The following MACROD2 variants were observed in gnomAD, a reference collection of about 807,000 sequenced individuals.
The protein encoded by MACROD2 is mono-ADP ribosylhydrolase 2, also known as ADP-ribose glycohydrolase MACROD2.
Under a neutral mutation model 70.4 loss-of-function variants are expected in MACROD2, and 36 were observed. The ratio of observed to expected loss-of-function variants is 0.51; its 90% confidence interval spans 0.39 to 0.68. The LOEUF (loss-of-function observed/expected upper bound fraction) is 0.68. MACROD2 is among the 30% of genes least tolerant of loss of function. The pLI, the probability that MACROD2 is intolerant of heterozygous loss-of-function variation, is 0.00. For synonymous variants in MACROD2, 172 were observed against 178.8 expected (o/e 0.96, Z 0.30); for missense variants, 496 against 538.4 (o/e 0.92, Z 0.78).
Position 14,031,506 on chromosome 20 carries a change from A to G in MACROD2, c.163+29102A>G, listed in dbSNP as rs181722561. Among the ~76,000 whole-genome samples the G allele has an allele frequency of 6.6e-5, 10 of 152,312 alleles. No homozygotes were observed. The East Asian group carries it at 1.9e-3, about 29-fold the overall frequency. On this transcript the variant is annotated intron_variant, in intron 2 of 17. Coordinates refer to ENST00000684519, the MANE Select transcript of MACROD2 (RefSeq NM_001351661.2). Reference sequence around the variant, plus strand: ...CCCTTAAATGTTGGTTGTATTAATTACAAATACTTTAAAAAGATATATTAA... The same window carrying G: ...CCCTTAAATGTTGGTTGTATTAATTGCAAATACTTTAAAAAGATATATTAA...
At chr20:15,703,636 G>C (rs777786740) in intron 8 of MACROD2, among the ~76,000 whole-genome samples, 4 of 152,098 alleles carry the variant, frequency 2.6e-5, no homozygotes, top group Non-Finnish European at 5.9e-5. Flanking sequence ...TGTAGTTTCC[G>C]TGGGGCAGAG....
chr20:14,070,734 C>T (rs994023403), intron 2 of MACROD2, among the ~76,000 whole-genome samples: 2 of 152,140 alleles, frequency 1.3e-5, no homozygotes, highest in Non-Finnish European at 2.9e-5. Flanking sequence ...CATTAGACAA[C>T]TTACTGGTAC....
chr20:14,948,065 C>T (rs1382284511), intron 5 of MACROD2, among the ~76,000 whole-genome samples: 11 of 152,198 alleles, frequency 7.2e-5, no homozygotes, highest in Non-Finnish European at 1.6e-4. Context: ...AGAGGACTGT[C>T]ATCAGCTGCC....
At chr20:15,122,937 T>C (rs545411856) in intron 5 of MACROD2, among the ~76,000 whole-genome samples, 2 of 152,284 alleles carry the variant, frequency 1.3e-5, no homozygotes, top group South Asian at 2.1e-4. Context: ...GTTGATACTC[T>C]TAACAAGTGT....
chr20:14,353,980 G>A (rs2083148630), intron 3 of MACROD2, among the ~76,000 whole-genome samples: 1 of 152,090 alleles, frequency 6.6e-6, no homozygotes, highest in Non-Finnish European at 1.5e-5. Flanking sequence ...TGTCAAGTCG[G>A]CAATCTGCAG....
intron 5 of MACROD2, among the ~76,000 whole-genome samples, chr20:14,691,596 A>G (rs1413039187): frequency 1.3e-5 from 2 of 152,188 alleles, no homozygotes; most frequent in East Asian, 3.9e-4. Flanking sequence ...TTAGCTGCAA[A>G]GGAGCCTGCA....
intron 5 of MACROD2, among the ~76,000 whole-genome samples, chr20:14,876,374 G>A (rs1474020207): frequency 1.3e-5 from 2 of 152,010 alleles, no homozygotes; most frequent in African/African-American, 4.8e-5. Context: ...TTAAGTTTTT[G>A]TTTAATGCAT....
At chr20:14,083,167 C>T (rs763006546) in intron 2 of MACROD2, among the ~76,000 whole-genome samples, 2 of 149,226 alleles carry the variant, frequency 1.3e-5, no homozygotes, top group African/African-American at 2.5e-5. Context: ...TGTGGTGGCT[C>T]GCGCTTGTAA....
chr20:14,424,694 G>C (rs2083914876), intron 3 of MACROD2, among the ~76,000 whole-genome samples: 2 of 152,170 alleles, frequency 1.3e-5, no homozygotes, highest in Admixed American at 1.3e-4. Flanking sequence ...CATAGTCCTG[G>C]AAGGTGGCAG....
rs757727845 is a variant in MACROD2, at chr20:15,447,642, G to C, written c.571+16207G>C. ...CAGGAGTGAAGTCCAGTGTCCAATC[G>C]AGTTGCCATGCTGGACAAACTGACC... On this transcript the variant is annotated intron_variant, in intron 7 of 17. Coordinates refer to ENST00000684519, the MANE Select transcript of MACROD2 (RefSeq NM_001351661.2). 8.5e-4 allele frequency among the ~76,000 whole-genome samples: 130 copies of C among 152,190 alleles called. 1 individual carries two copies. The highest frequency in any genetic ancestry group is 1.2e-3 in the Non-Finnish European group (83 of 68,022).
chr20:15,224,671 G>A (rs1039380484), intron 5 of MACROD2, among the ~76,000 whole-genome samples: 1 of 152,204 alleles, frequency 6.6e-6, no homozygotes, highest in Non-Finnish European at 1.5e-5. Context: ...CTGGCCGGGT[G>A]TGGTGGCTCA....
intron 8 of MACROD2, among the ~76,000 whole-genome samples, chr20:15,721,298 T>A (rs2050784019): frequency 9.2e-5 from 14 of 152,206 alleles, no homozygotes; most frequent in Admixed American, 9.2e-4. Flanking sequence ...CAGAAGCAAT[T>A]GGCTTGTTAC....
intron 3 of MACROD2, among the ~76,000 whole-genome samples, chr20:14,187,606 T>C (rs2081355410): frequency 6.6e-6 from 1 of 152,160 alleles, no homozygotes; most frequent in Admixed American, 6.6e-5. Flanking sequence ...TAGTCCAGAG[T>C]TATAATTACA....
rs77336742 is a variant in MACROD2 at position 15,887,277 on chromosome 20, A to T, written c.775+1466A>T. On this transcript the variant is annotated intron_variant, in intron 10 of 17. Coordinates refer to ENST00000684519, the MANE Select transcript of MACROD2 (RefSeq NM_001351661.2). The stretch of plus-strand genomic sequence containing the variant: ...TTCATAAAAGTTCATTGGAACAAGG[A>T]TTATAGCTTCTATCTACTCTTCTCC... Among the ~76,000 whole-genome samples, 335 of 152,268 alleles carry T rather than the reference A, an allele frequency of 2.2e-3. 2 individuals carry two copies. Among genetic ancestry groups the T allele is most frequent in the Middle Eastern group, 0.01 (3 of 294 alleles).
chr20:15,036,385 A>G (rs1014766125), intron 5 of MACROD2, among the ~76,000 whole-genome samples: 4 of 152,158 alleles, frequency 2.6e-5, no homozygotes, highest in Non-Finnish European at 5.9e-5. Flanking sequence ...CCAGATCAGT[A>G]TAATCAGCAT....
At chr20:15,346,350 G>T (rs1178161965) in intron 6 of MACROD2, among the ~76,000 whole-genome samples, 1 of 152,190 alleles carries the variant, frequency 6.6e-6, no homozygotes, top group Non-Finnish European at 1.5e-5. Flanking sequence ...TTGTGACGGG[G>T]TGGATTTTGA....
intron 8 of MACROD2, among the ~76,000 whole-genome samples, chr20:15,734,604 TC>T (rs2050993567): frequency 6.6e-6 from 1 of 152,198 alleles, no homozygotes; most frequent in African/African-American, 2.4e-5. Flanking sequence ...AGCACTTTGT[TC>T]CCTGAAACTA....
chr20:16,015,216 A>G (rs1441017642), intron 15 of MACROD2, among the ~76,000 whole-genome samples: 6 of 152,340 alleles, frequency 3.9e-5, no homozygotes, highest in Non-Finnish European at 8.8e-5. Flanking sequence ...AACTAAGCAG[A>G]CAATTTAAAT....
At chr20:14,356,485 G>A (rs941569257) in intron 3 of MACROD2, among the ~76,000 whole-genome samples, 1 of 150,310 alleles carries the variant, frequency 6.7e-6, no homozygotes, top group Admixed American at 6.6e-5. Context: ...CTGGGGGCTG[G>A]AGGATCTACT....
Sources: allele counts gnomAD v4.1 joint callset (sites outside exome capture counted in the v4.1 genomes callset), GRCh38; gene constraint gnomAD v4.1.1; transcripts MANE v1.5; gene names NCBI Gene and HGNC (gene_info 2026-07-23, HGNC 2026-07-21).